Variants in LSAMP observed in about 807,000 individuals in gnomAD.
LSAMP encodes limbic system associated membrane protein, also known as limbic system-associated membrane protein.
LSAMP carries 7 observed loss-of-function variants against 38.6 expected under a neutral mutation model. That is an observed-to-expected ratio of 0.18 (90% CI 0.10 to 0.34). LSAMP has a LOEUF of 0.34. LSAMP is among the 10% of genes least tolerant of loss of function. LSAMP has a pLI of 1.00. For synonymous variants in LSAMP, 154 were observed against 166.8 expected (o/e 0.92, Z 0.59); for missense variants, 313 against 420.0 (o/e 0.75, Z 2.23).
chr3:115,996,772 C>T (rs1430330127), intron 3 of LSAMP, among the ~76,000 whole-genome samples: 2 of 152,022 alleles, frequency 1.3e-5, no homozygotes, highest in African/African-American at 4.8e-5. Context: ...AAGGTCATTT[C>T]CTCCCCTCCT....
At chr3:116,261,599 T>C (rs879505928) in intron 1 of LSAMP, among the ~76,000 whole-genome samples, 5 of 152,266 alleles carry the variant, frequency 3.3e-5, no homozygotes, top group Non-Finnish European at 7.4e-5. Context: ...TTTTAAACAA[T>C]TTTCTGATTA....
intron 2 of LSAMP, among the ~76,000 whole-genome samples, chr3:116,036,557 T>G (rs1941050131): frequency 1.3e-5 from 2 of 152,182 alleles, no homozygotes; most frequent in Non-Finnish European, 2.9e-5. Context: ...ACCCCAATTA[T>G]AAATCTTTGG....
chr3:116,353,932 T>C (rs2048183878), intron 1 of LSAMP, among the ~76,000 whole-genome samples: 1 of 152,100 alleles, frequency 6.6e-6, no homozygotes, highest in Non-Finnish European at 1.5e-5. Flanking sequence ...GATTTCCCAA[T>C]TGCCTTTCCA....
At chr3:115,921,545 A>G (rs1237199316) in intron 3 of LSAMP, among the ~76,000 whole-genome samples, 1 of 152,026 alleles carries the variant, frequency 6.6e-6, no homozygotes, top group African/African-American at 2.4e-5. Context: ...TTATTCTTAT[A>G]CATTTTAACT....
intron 1 of LSAMP, among the ~76,000 whole-genome samples, chr3:116,171,567 AT>A (rs1029344282): frequency 5.3e-5 from 8 of 152,112 alleles, no homozygotes; most frequent in Non-Finnish European, 8.8e-5. Flanking sequence ...CCATGAACAT[AT>A]TTTTGCCAGC....
chr3:115,880,644 G>C lies in LSAMP; in HGVS notation c.515-28027C>G, dbSNP rs560752767. Among the ~76,000 whole-genome samples, 21 of 152,234 alleles carry C rather than the reference G, an allele frequency of 1.4e-4. 1 individual carries two copies. The highest frequency in any genetic ancestry group is 5.1e-4 in the African/African-American group (21 of 41,550). On this transcript the variant is annotated intron_variant, in intron 3 of 6. Transcript: ENST00000490035. ...TATGAGTAAAATTAATGTAACCACT[G>C]AGTAAATAGAGAATATTTTTAATAA...
chr3:116,336,650 G>A (rs2047923164), intron 1 of LSAMP, among the ~76,000 whole-genome samples: 1 of 151,998 alleles, frequency 6.6e-6, no homozygotes, highest in Non-Finnish European at 1.5e-5. Context: ...ATAAATGTTG[G>A]TGAGGATGGG....
At chr3:115,902,260 AAGT>A (rs1460740070) in intron 3 of LSAMP, among the ~76,000 whole-genome samples, 3 of 152,048 alleles carry the variant, frequency 2.0e-5, no homozygotes, top group Non-Finnish European at 2.9e-5. Flanking sequence ...AACTCACTGA[AAGT>A]AGGAAGAAAA....
chr3:116,260,757 G>A (rs1316498640), intron 1 of LSAMP, among the ~76,000 whole-genome samples: 1 of 152,154 alleles, frequency 6.6e-6, no homozygotes, highest in Admixed American at 6.5e-5. Flanking sequence ...GAGGCTTAGA[G>A]GGGAGAAAGC....
intron 1 of LSAMP, among the ~76,000 whole-genome samples, chr3:116,112,606 G>T (rs750119232): frequency 6.6e-6 from 1 of 152,166 alleles, no homozygotes; most frequent in Non-Finnish European, 1.5e-5. Context: ...ACATCTTAAA[G>T]AATTTGGTAG....
chr3:115,882,553 A>T (rs1007587521), intron 3 of LSAMP, among the ~76,000 whole-genome samples: 11 of 152,156 alleles, frequency 7.2e-5, no homozygotes, highest in African/African-American at 2.4e-4. Flanking sequence ...AAAAATTTGC[A>T]TAATAGAGTT....
chr3:115,924,996 A>C (rs1178042712), intron 3 of LSAMP, among the ~76,000 whole-genome samples: 1 of 152,110 alleles, frequency 6.6e-6, no homozygotes, highest in Admixed American at 6.6e-5. Flanking sequence ...TCCACAATAC[A>C]TTCTAGACCA....
At chr3:115,962,144 C>T (rs147417103) in intron 3 of LSAMP, among the ~76,000 whole-genome samples, 10 of 152,292 alleles carry the variant, frequency 6.6e-5, no homozygotes, top group Admixed American at 3.9e-4. Flanking sequence ...GCACAGCTGA[C>T]GTTTGAATTA....
intron 3 of LSAMP, among the ~76,000 whole-genome samples, chr3:115,864,588 A>G (rs946287359): frequency 2.6e-5 from 4 of 152,142 alleles, no homozygotes; most frequent in African/African-American, 9.7e-5. Flanking sequence ...TGGAGGTAGA[A>G]AGAACTCATC....
intron 3 of LSAMP, among the ~76,000 whole-genome samples, chr3:115,953,526 C>T (rs944809471): frequency 2.0e-5 from 3 of 151,748 alleles, no homozygotes; most frequent in African/African-American, 7.3e-5. Flanking sequence ...TCATGCTTTC[C>T]CTTCCCCAAA....
chr3:116,047,275 C>G (rs1941308347), intron 2 of LSAMP, among the ~76,000 whole-genome samples: 1 of 150,436 alleles, frequency 6.6e-6, no homozygotes, highest in South Asian at 2.1e-4. Flanking sequence ...CAGTCCGAAA[C>G]AGAAAAATCC....
intron 1 of LSAMP, among the ~76,000 whole-genome samples, chr3:116,127,695 ATTTTTTTTTTT>A (rs67470158): frequency 4.1e-5 from 4 of 96,654 alleles, no homozygotes; most frequent in East Asian, 3.1e-4. Flanking sequence ...GTGTTTGTTC[ATTTTTTTTTTT>A]TTTTTTTTTT....
At chr3:116,294,983 G>T (rs6769258) in intron 1 of LSAMP, among the ~76,000 whole-genome samples, 1 of 152,160 alleles carries the variant, frequency 6.6e-6, no homozygotes, top group Non-Finnish European at 1.5e-5. Flanking sequence ...AAAACTCATC[G>T]TCAAGAGAGC....
At chr3:115,969,136 C>T (rs539733699) in intron 3 of LSAMP, among the ~76,000 whole-genome samples, 1 of 152,276 alleles carries the variant, frequency 6.6e-6, no homozygotes, top group East Asian at 1.9e-4. Flanking sequence ...GAGGATAAAA[C>T]CAGGTACTGT....
Sources: allele counts gnomAD v4.1 joint callset (sites outside exome capture counted in the v4.1 genomes callset), GRCh38; gene constraint gnomAD v4.1.1; transcripts MANE v1.5; gene names NCBI Gene and HGNC (gene_info 2026-07-23, HGNC 2026-07-21).